Variants in TMEM132A observed in about 807,000 individuals in gnomAD.
TMEM132A encodes the protein transmembrane protein 132A.
A neutral mutation model predicts 69.9 loss-of-function variants in TMEM132A; 48 were observed. The ratio of observed to expected loss-of-function variants is 0.69; its 90% CI spans 0.55 to 0.87. The LOEUF is 0.87. Among genes scored for constraint, TMEM132A ranks in the 40% least tolerant of loss-of-function variants. TMEM132A has a pLI of 0.00. For synonymous variants in TMEM132A, 577 were observed against 613.7 expected, an observed-to-expected ratio of 0.94 and a Z score of 0.88; for missense variants, 1,287 against 1,407.2, an observed-to-expected ratio of 0.91 and a Z score of 1.37.
chr11:60,928,669 C>T lies in TMEM132A; in HGVS notation c.575C>T (p.Ser192Leu), dbSNP rs767752211. The change falls in exon 4 of 11, where the codon TCG becomes TTG. Residue 192 changes from serine to leucine, a missense_variant. Transcript: ENST00000453848. ...GACVVELELPSHWFSQASTTR... is the reference protein window; with the variant it reads ...GACVVELELPLHWFSQASTTR... ...TGCGTGGTGGAGCTGGAGCTTCCCT[C>T]GCACTGGTTCTCACAGGCCTCCACC... 3.7e-6 allele frequency: 6 copies of T among 1,610,530 alleles called. No individual in the cohort carries two copies. Among genetic ancestry groups the T allele is most frequent in the Admixed American group, 3.3e-5 (2 of 59,962 alleles).
intron 1 of TMEM132A, chr11:60,925,942 G>A (rs184478624): frequency 1.3e-5 from 2 of 152,332 alleles, no homozygotes; most frequent in East Asian, 1.9e-4. Context: ...CAGGTCTCCA[G>A]GCTCCCAGGA....
chr11:60,930,274 C>T (rs1475588973), intron 4 of TMEM132A, among the ~76,000 whole-genome samples: 4 of 152,254 alleles, frequency 2.6e-5, no homozygotes, highest in East Asian at 1.9e-4. Flanking sequence ...CCCAAATGCC[C>T]GGCTAAGCTT....
intron 1 of TMEM132A, chr11:60,925,073 C>T: frequency 7.5e-6 from 2 of 265,084 alleles, no homozygotes; most frequent in South Asian, 5.2e-5. Context: ...ATCCCCACTC[C>T]CTCACTGTGG....
intron 8 of TMEM132A, chr11:60,934,082 G>C: frequency 2.4e-6 from 1 of 409,292 alleles, no homozygotes; most frequent in East Asian, 4.2e-5. Flanking sequence ...GTCTATGCTG[G>C]TCGTACCCTC....
At chr11:60,926,899 G>A (rs1307126386) in intron 1 of TMEM132A, 45 of 464,502 alleles carry the variant, frequency 9.7e-5, no homozygotes, top group East Asian at 4.2e-5. Context: ...CAGGAGTTGG[G>A]GAAAAGGAGA....
At chr11:60,933,398 G>A in intron 7 of TMEM132A, 144 bp from the exon 8 acceptor site, 1 of 629,818 alleles carries the variant, frequency 1.6e-6, no homozygotes, top group Non-Finnish European at 2.7e-6. Flanking sequence ...TGCCCAGGCT[G>A]GTCTCAAACT....
At chr11:60,928,541 C>A in intron 3 of TMEM132A, 88 bp from the exon 4 acceptor site, 1 of 1,286,786 alleles carries the variant, frequency 7.8e-7, no homozygotes, top group Non-Finnish European at 1.1e-6. Context: ...GCCCCTCCAG[C>A]TCTGGGTTTC....
rs370425430 is a variant in TMEM132A, at chr11:60,928,741, C to G, written c.647C>G (p.Pro216Arg). Residue 216 changes from proline (P) to arginine (R), a missense_variant, in exon 4 of 11, where the codon CCT becomes CGT. By Grantham distance (103) the Pro-to-Arg change is moderately radical (BLOSUM62 -2). Transcript: ENST00000453848. ...ACGCTTGAGCCTGCAGCTGAGGGCC[C>G]TGGGGGCTGTGGCTCCGGCGAGGAG... Reference protein sequence around the residue: ...AYTLEPAAEGPGGCGSGEEND... With the variant: ...AYTLEPAAEGRGGCGSGEEND... 2 of 1,609,560 alleles carry G rather than the reference C, an allele frequency of 1.2e-6. No homozygotes were observed.
At position 60,935,684 on chromosome 11, in the gene TMEM132A, G is replaced by A; in HGVS notation, c.2029-180G>A. 1.2e-6 allele frequency: 1 copy of A among 832,826 alleles called. No homozygotes were observed. The highest frequency in any genetic ancestry group is 2.6e-5 in the East Asian group (1 of 38,198). The allele number at this position is 832,826 out of a possible 1,614,324, so 51.6% of individuals were successfully genotyped here. A position where few individuals can be genotyped will look rare whatever the true frequency, so the allele number is the denominator to read the frequency against. On this transcript the variant is annotated intron_variant, in intron 10 of 10. Coordinates refer to ENST00000453848, the MANE Select transcript of TMEM132A (RefSeq NM_178031.3). This position sits in a 1 kb window ranked among gnomAD's most constrained non-coding sequence, Gnocchi z 5.0. Reference sequence around the variant, plus strand: ...ACCCTCCCAATAACTCAGACCCTAGGGCTGAGTGGCAGACAGGTGATTGAC... The same window carrying A: ...ACCCTCCCAATAACTCAGACCCTAGAGCTGAGTGGCAGACAGGTGATTGAC...
In TMEM132A at chr11:60,927,654, G is replaced by T. The variant is rs144704995; in HGVS notation, c.329G>T (p.Arg110Leu). Residue 110 changes from arginine (R) to leucine (L), a missense_variant, in exon 3 of 11, where the codon CGA becomes CTA. Physicochemically the swap from Arg to Leu is moderately radical, Grantham distance 102 (BLOSUM62 -2). Transcript: ENST00000453848. ...TTCTCCCTCCAGGTGGTCCCCCCTC[G>T]AGTCACTGAGCCCCACCAACGGCCA... ...PFATQQVVPP[R>L]VTEPHQRPVP... is the part of the protein sequence containing the mutation. 1.2e-6 allele frequency: 2 copies of T among 1,611,118 alleles called. No homozygotes were observed. Among genetic ancestry groups the T allele is most frequent in the South Asian group, 1.1e-5 (1 of 91,018 alleles).
intron 4 of TMEM132A, among the ~76,000 whole-genome samples, 155 bp downstream of exon 4, chr11:60,929,115 C>T (rs1856420824): frequency 1.3e-5 from 2 of 152,240 alleles, no homozygotes; most frequent in South Asian, 2.1e-4. Context: ...AAAGCCATGA[C>T]TGTGCTGGTA....
intron 6 of TMEM132A, 21 bp from the exon 7 acceptor site, chr11:60,931,963 G>C: frequency 6.2e-7 from 1 of 1,612,054 alleles, no homozygotes; most frequent in Non-Finnish European, 8.5e-7. Flanking sequence ...GCCTGGGGCT[G>C]AGCCCCTCCT....
At chr11:60,927,119 C>T (rs532403045) in intron 1 of TMEM132A, 85 bp from the exon 2 acceptor site, 5 of 1,121,702 alleles carry the variant, frequency 4.5e-6, no homozygotes, top group Non-Finnish European at 6.7e-6. Context: ...CCCTTGCCCA[C>T]AACTACTGTG....
rs1856311133 is a variant in TMEM132A at position 60,924,678 on chromosome 11, G to A, written c.45G>A (p.Gly15=). 11 of 1,592,234 alleles carry A rather than the reference G, an allele frequency of 6.9e-6. No individual in the cohort carries two copies. The highest frequency in any genetic ancestry group is 9.4e-6 in the Non-Finnish European group (11 of 1,175,956). The change falls in exon 1 of 11, where the codon GGG becomes GGA. Residue 15 remains glycine (G), a synonymous_variant. Coordinates refer to ENST00000453848, the MANE Select transcript of TMEM132A (RefSeq NM_178031.3). ...MAGRTTAAPR[G]PYGPWLCLLV... Reference sequence around the variant, plus strand: ...GTCGCACAACAGCGGCCCCTCGGGGGCCCTACGGCCCCTGGCTCTGCCTCC... The same window carrying A: ...GTCGCACAACAGCGGCCCCTCGGGGACCCTACGGCCCCTGGCTCTGCCTCC...
In TMEM132A at chr11:60,933,650, A is replaced by T. The variant is rs376317499; in HGVS notation, c.1465A>T (p.Thr489Ser). 8.7e-6 allele frequency: 14 copies of T among 1,605,862 alleles called. No individual in the cohort carries two copies. The highest frequency in any genetic ancestry group is 2.2e-5 in the East Asian group (1 of 44,808). ...CCGGCTCCGCGCCTCGCTGCGGCTGACCGTGTGGGCCCCCCTGCTACCGCT... is the reference window on the plus strand; with the variant it reads ...CCGGCTCCGCGCCTCGCTGCGGCTGTCCGTGTGGGCCCCCCTGCTACCGCT... ...WRRLRASLRL[T>S]VWAPLLPLRI... The change falls in exon 8 of 11, where the codon ACC becomes TCC. Residue 489 changes from threonine to serine, a missense_variant. By Grantham distance (58) the Thr-to-Ser change is moderately conservative. Coordinates refer to ENST00000453848, the MANE Select transcript of TMEM132A (RefSeq NM_178031.3).
Position 60,932,033 on chromosome 11 carries a change from T to A in TMEM132A, c.1262T>A (p.Val421Asp). ...TAPLTGVPQH[V>D]PVRLVTVDGG... Reference sequence around the variant, plus strand: ...CCACTGACTGGAGTGCCCCAGCATGTCCCCGTGCGCCTTGTCACTGTGGAC... The same window carrying A: ...CCACTGACTGGAGTGCCCCAGCATGACCCCGTGCGCCTTGTCACTGTGGAC... Residue 421 changes from valine (V) to aspartate (D), a missense_variant, in exon 7 of 11, where the codon GTC becomes GAC. By Grantham distance (152) the Val-to-Asp change is radical (BLOSUM62 -3). Transcript: ENST00000453848. The A allele has an allele frequency of 6.3e-7, 1 of 1,599,152 alleles. No individual in the cohort carries two copies. Among genetic ancestry groups the A allele is most frequent in the Non-Finnish European group, 8.5e-7 (1 of 1,173,152 alleles).
At position 60,924,660 on chromosome 11, in the gene TMEM132A, A is replaced by G. The variant is rs779772661; in HGVS notation, c.27A>G (p.Thr9=). The G allele has an allele frequency of 6.3e-7, 1 of 1,594,710 alleles. No individual in the cohort carries two copies. The highest frequency in any genetic ancestry group is 2.3e-5 in the East Asian group (1 of 44,208). The change falls in exon 1 of 11, where the codon ACA becomes ACG. Residue 9 remains threonine, a synonymous_variant. Coordinates refer to ENST00000453848, the MANE Select transcript of TMEM132A (RefSeq NM_178031.3). MCARMAGR[T]TAAPRGPYGP... is the part of the protein sequence containing the mutation. The stretch of plus-strand genomic sequence containing the variant: ...TGTGCGCGCGGATGGCCGGTCGCAC[A>G]ACAGCGGCCCCTCGGGGGCCCTACG...
chr11:60,935,557 G>A lies in TMEM132A; in HGVS notation c.2028+114G>A. ...CTCGACCCCTTAGGGTTTTCAGAGT[G>A]AGGACTGACTCTGTGAGGTAGTGAG... On this transcript the variant is annotated intron_variant, in intron 10 of 10. Transcript: ENST00000453848. The surrounding 1 kb of genome is among the most constrained non-coding windows in gnomAD (Gnocchi z 5.0). 8.9e-7 allele frequency: 1 copy of A among 1,121,132 alleles called. No individual in the cohort carries two copies. The highest frequency in any genetic ancestry group is 1.3e-6 in the Non-Finnish European group (1 of 789,122). The allele number at this position is 1,121,132 out of a possible 1,614,324, so 69.4% of individuals were successfully genotyped here.
chr11:60,934,458 A>G, intron 8 of TMEM132A, 30 bp from the exon 9 acceptor site: 1 of 1,355,090 alleles, frequency 7.4e-7, no homozygotes, highest in Non-Finnish European at 9.4e-7. Flanking sequence ...CTCAGCGCTG[A>G]CGGCCAGTCC....
Sources: gnomAD v4.1 joint callset for allele counts (sites outside exome capture counted in the v4.1 genomes callset) on GRCh38, gnomAD v4.1.1 for gene constraint, Gnocchi (gnomAD v3.1) non-coding constraint, MANE v1.5 for transcripts, NCBI Gene and HGNC (gene_info 2026-07-23, HGNC 2026-07-21) for gene names.